Variants in CTNNA3 observed in about 807,000 individuals in gnomAD.
The protein encoded by CTNNA3 is catenin alpha 3.
In CTNNA3, 76 loss-of-function variants were observed where a neutral mutation model predicts 95.7. The ratio of observed to expected loss-of-function variants is 0.79; its 90% CI spans 0.66 to 0.96. The LOEUF (loss-of-function observed/expected upper bound fraction) is 0.96. CTNNA3 is among the 40% of genes least tolerant of loss of function. The probability of loss-of-function intolerance (pLI) is 0.00; values close to 1 mark genes in which losing one functional copy is unlikely to be tolerated. For missense variants in CTNNA3, 1,191 were observed against 1,089.8 expected (o/e 1.09, Z -1.31); for synonymous variants, 431 against 374.4 (o/e 1.15, Z -1.74).
chr10:65,958,998 C>G (rs557031546), intron 17 of CTNNA3, among the ~76,000 whole-genome samples: 31 of 152,212 alleles, frequency 2.0e-4, no homozygotes, highest in Non-Finnish European at 3.8e-4. Context: ...GAGGTGAAGT[C>G]TACAGAGGCA....
At chr10:67,657,940 A>G (rs1840073071) in intron 1 of CTNNA3, among the ~76,000 whole-genome samples, 1 of 152,052 alleles carries the variant, frequency 6.6e-6, no homozygotes, top group Admixed American at 6.5e-5. Flanking sequence ...GTTAGCAGAA[A>G]GGCCCACAGT....
chr10:66,085,735 C>T (rs965487233), intron 14 of CTNNA3, among the ~76,000 whole-genome samples: 2 of 152,036 alleles, frequency 1.3e-5, no homozygotes, highest in East Asian at 3.8e-4. Context: ...TCGTAATTCT[C>T]CAAACAAAAT....
At chr10:67,443,503 T>C (rs1360299485) in intron 5 of CTNNA3, among the ~76,000 whole-genome samples, 3 of 152,080 alleles carry the variant, frequency 2.0e-5, no homozygotes, top group Non-Finnish European at 4.4e-5. Context: ...TGGTGTGAGA[T>C]GATATCTCAT....
chr10:67,359,766 T>C (rs1324124875), intron 5 of CTNNA3, among the ~76,000 whole-genome samples: 3 of 152,072 alleles, frequency 2.0e-5, no homozygotes, highest in Admixed American at 6.6e-5. Flanking sequence ...GTAAGAAACT[T>C]TGAAACATAT....
At chr10:67,024,868 G>A (rs1384094978) in intron 7 of CTNNA3, among the ~76,000 whole-genome samples, 2 of 152,000 alleles carry the variant, frequency 1.3e-5, no homozygotes, top group Admixed American at 6.5e-5. Flanking sequence ...GGTGACTCAC[G>A]CCTGTAAATC....
chr10:66,005,190 T>A (rs2078855266), intron 15 of CTNNA3, among the ~76,000 whole-genome samples: 2 of 152,148 alleles, frequency 1.3e-5, no homozygotes, highest in Non-Finnish European at 2.9e-5. Flanking sequence ...TCCTATAATA[T>A]CATTGGACCA....
At chr10:66,299,395 T>C (rs1481512224) in intron 12 of CTNNA3, among the ~76,000 whole-genome samples, 1 of 152,210 alleles carries the variant, frequency 6.6e-6, no homozygotes, top group Non-Finnish European at 1.5e-5. Flanking sequence ...AGAATAATTT[T>C]TTTAAATCCT....
chr10:66,729,121 G>T (rs1416785864), intron 9 of CTNNA3, among the ~76,000 whole-genome samples: 1 of 152,068 alleles, frequency 6.6e-6, no homozygotes, highest in East Asian at 1.9e-4. Context: ...GTCTGTTCTT[G>T]TACCAGTGCT....
At chr10:66,482,846 AC>A (rs1310941896) in intron 11 of CTNNA3, among the ~76,000 whole-genome samples, 5 of 152,200 alleles carry the variant, frequency 3.3e-5, no homozygotes, top group African/African-American at 1.2e-4. Flanking sequence ...TTAAACACAG[AC>A]AAAAAAGCTT....
intron 1 of CTNNA3, among the ~76,000 whole-genome samples, chr10:67,742,274 A>G (rs1245711140): frequency 6.6e-6 from 1 of 151,328 alleles, no homozygotes; most frequent in Non-Finnish European, 1.5e-5. Flanking sequence ...CAGCAAATGT[A>G]AAAGAACAGA....
chr10:65,944,854 GTCTATCTATCTA>G (rs56952134), intron 17 of CTNNA3, among the ~76,000 whole-genome samples: 18,580 of 144,880 alleles, frequency 0.13, 1,279 homozygotes, highest in Middle Eastern at 0.21. Context: ...GAAAATATCT[GTCTATCTATCTA>G]TCTATCTATC....
chr10:66,174,266 GA>G (rs2131839451), intron 13 of CTNNA3, among the ~76,000 whole-genome samples: 1 of 152,042 alleles, frequency 6.6e-6, no homozygotes, highest in South Asian at 2.1e-4. Context: ...AGACATTTTG[GA>G]AAAAGTTTGG....
Position 67,058,367 on chromosome 10 carries a change from G to T in CTNNA3, c.1047+121950C>A, listed in dbSNP as rs371745576. ...TTTATGTATTACATTGGTTTCAAGAGAAATTTTATAATTCTTATTCTTTTT... is the reference window on the plus strand; with the variant it reads ...TTTATGTATTACATTGGTTTCAAGATAAATTTTATAATTCTTATTCTTTTT... On this transcript the variant is annotated intron_variant, in intron 7 of 17. Transcript: ENST00000433211. Among the ~76,000 whole-genome samples, 23 of 152,274 alleles carry T rather than the reference G, an allele frequency of 1.5e-4. No homozygotes were observed. The South Asian group carries it at 4.1e-3, about 27-fold the overall frequency.
At chr10:67,560,682 T>C (rs1006913576) in intron 3 of CTNNA3, among the ~76,000 whole-genome samples, 1 of 152,142 alleles carries the variant, frequency 6.6e-6, no homozygotes, top group South Asian at 2.1e-4. Flanking sequence ...AATTAACAGA[T>C]ACAGACTGGC....
intron 13 of CTNNA3, among the ~76,000 whole-genome samples, chr10:66,276,241 C>G (rs1391282337): frequency 6.6e-6 from 1 of 152,108 alleles, no homozygotes; most frequent in Non-Finnish European, 1.5e-5. Context: ...GAAAGTATCT[C>G]TATATTTTTG....
intron 12 of CTNNA3, among the ~76,000 whole-genome samples, chr10:66,328,122 TA>T: frequency 6.6e-6 from 1 of 152,096 alleles, no homozygotes. Context: ...GGTAGGTGTC[TA>T]GGGGGTAAGA....
intron 12 of CTNNA3, among the ~76,000 whole-genome samples, chr10:66,285,400 T>A (rs1321419413): frequency 6.6e-6 from 1 of 151,844 alleles, no homozygotes; most frequent in Non-Finnish European, 1.5e-5. Flanking sequence ...TAGCTTAATT[T>A]AAAAAATCTT....
intron 4 of CTNNA3, among the ~76,000 whole-genome samples, chr10:67,524,851 T>G (rs922847802): frequency 1.9e-4 from 29 of 152,186 alleles, no homozygotes; most frequent in Non-Finnish European, 7.3e-5. Context: ...AGATAAAAGT[T>G]AGGTTGAGGC....
chr10:66,091,733 A>T (rs1564633908), intron 14 of CTNNA3, among the ~76,000 whole-genome samples: 1 of 151,814 alleles, frequency 6.6e-6, no homozygotes, highest in African/African-American at 2.4e-5. Context: ...CATTACTAAA[A>T]AGGTGCTATT....
Sources: gnomAD v4.1 joint callset for allele counts (sites outside exome capture counted in the v4.1 genomes callset) on GRCh38, gnomAD v4.1.1 for gene constraint, MANE v1.5 for transcripts, NCBI Gene and HGNC (gene_info 2026-07-23, HGNC 2026-07-21) for gene names.